The following TUSC3 variants were observed in gnomAD, a reference collection of about 807,000 sequenced individuals.
TUSC3 encodes dolichyl-diphosphooligosaccharide--protein glycosyltransferase subunit TUSC3.
A neutral mutation model predicts 44.8 loss-of-function variants in TUSC3; 45 were observed. That is an observed-to-expected ratio of 1.00 (90% CI 0.79 to 1.29). The LOEUF (loss-of-function observed/expected upper bound fraction) is 1.29. Ranked by LOEUF, TUSC3 falls within the 50% of genes most tolerant of loss-of-function variation. TUSC3 has a pLI of 0.00. For synonymous variants in TUSC3, 212 were observed against 152.9 expected, an observed-to-expected ratio of 1.39 and a Z score of -2.85; for missense variants, 519 against 437.9, an observed-to-expected ratio of 1.19 and a Z score of -1.65.
At chr8:15,838,093 G>T in the TUSC3 span, among the ~76,000 whole-genome samples, 1 of 152,118 alleles carries the variant, frequency 6.6e-6, no homozygotes, top group African/African-American at 2.4e-5. Context: ...CCCTCCAGTT[G>T]TATCAATAGA....
intron 2 of TUSC3, among the ~76,000 whole-genome samples, chr8:15,513,785 C>G (rs1478347330): frequency 1.3e-5 from 2 of 151,992 alleles, no homozygotes; most frequent in Non-Finnish European, 2.9e-5. Flanking sequence ...CGTGACAAAA[C>G]TCTCATAGGA....
At chr8:15,784,224 G>A in the TUSC3 span, among the ~76,000 whole-genome samples, 4 of 152,104 alleles carry the variant, frequency 2.6e-5, no homozygotes, top group African/African-American at 9.7e-5. Flanking sequence ...GGAGAAAAGG[G>A]AACTCTTGTA....
chr8:15,635,057 CT>C lies in TUSC3; in HGVS notation c.308+11818del, dbSNP rs34353325. 2.7e-3 allele frequency among the ~76,000 whole-genome samples: 411 copies of C among 149,958 alleles called. 2 individuals are homozygous for C. Among genetic ancestry groups the C allele is most frequent in the East Asian group, 9.4e-3 (48 of 5,118 alleles). ...CAGATTAAATCTGAATTTCCTAAGC[CT>C]TTTTTTTTTCCCCCCAAAGGTAGGC... is the stretch of plus-strand genomic sequence containing the variant. On this transcript the variant is annotated intron_variant, in intron 2 of 10. Coordinates refer to ENST00000503731, the MANE Select transcript of TUSC3 (RefSeq NM_006765.4).
chr8:15,745,725 T>G (rs1370510409), intron 8 of TUSC3, among the ~76,000 whole-genome samples: 1 of 151,942 alleles, frequency 6.6e-6, no homozygotes, highest in African/African-American at 2.4e-5. Context: ...AGCAAAAATT[T>G]TCTCCCATTC....
chr8:15,637,549 T>G (rs994047168), intron 2 of TUSC3, among the ~76,000 whole-genome samples: 2 of 152,240 alleles, frequency 1.3e-5, no homozygotes, highest in African/African-American at 4.8e-5. Context: ...TCTTCATGAT[T>G]TTGTTTTTAG....
chr8:15,619,871 TAATGGAC>T (rs1343726657), intron 1 of TUSC3, among the ~76,000 whole-genome samples: 4 of 152,136 alleles, frequency 2.6e-5, no homozygotes, highest in Non-Finnish European at 1.5e-5. Context: ...AGATCAAGGA[TAATGGAC>T]ATGAGTTTTA....
At chr8:15,629,078 A>T (rs1458244848) in intron 2 of TUSC3, among the ~76,000 whole-genome samples, 2 of 152,188 alleles carry the variant, frequency 1.3e-5, no homozygotes, top group Non-Finnish European at 2.9e-5. Flanking sequence ...TTTATTTAAT[A>T]AGTAACTTGC....
At chr8:15,446,027 G>T (rs575266844) in intron 1 of TUSC3, among the ~76,000 whole-genome samples, 1 of 150,966 alleles carries the variant, frequency 6.6e-6, no homozygotes, top group Non-Finnish European at 1.5e-5. Flanking sequence ...GCTGCCGGGC[G>T]GAGGGGCTCC....
At chr8:15,539,401 G>A (rs2129132018), upstream of TUSC3, among the ~76,000 whole-genome samples, 1 of 130,980 alleles carries the variant, frequency 7.6e-6, no homozygotes, top group Non-Finnish European at 1.5e-5. Context: ...CTCCCAGGCT[G>A]GAGTGCAGTG....
chr8:15,562,071 A>C (rs1802495079), intron 1 of TUSC3, among the ~76,000 whole-genome samples: 2 of 152,150 alleles, frequency 1.3e-5, no homozygotes, highest in Admixed American at 1.3e-4. Flanking sequence ...GCTAAGATGG[A>C]AATGGAAAAA....
At chr8:15,476,344 C>T (rs62501891) in intron 1 of TUSC3, among the ~76,000 whole-genome samples, 2 of 152,072 alleles carry the variant, frequency 1.3e-5, no homozygotes, top group African/African-American at 4.8e-5. Context: ...ATACTTTATC[C>T]TTTTTGTATA....
intron 1 of TUSC3, among the ~76,000 whole-genome samples, chr8:15,601,099 T>C (rs541299563): frequency 5.9e-4 from 89 of 151,828 alleles, no homozygotes; most frequent in African/African-American, 2.0e-3. Flanking sequence ...GGTCAGCAGA[T>C]TTGTTACAGT....
intron 1 of TUSC3, among the ~76,000 whole-genome samples, chr8:15,458,208 CTTTAG>C (rs1800287361): frequency 6.6e-6 from 1 of 152,086 alleles, no homozygotes; most frequent in Non-Finnish European, 1.5e-5. Flanking sequence ...AAGGCCCTAA[CTTTAG>C]TTTATAAAGT....
chr8:15,797,321 A>G, the TUSC3 span, among the ~76,000 whole-genome samples: 1 of 152,210 alleles, frequency 6.6e-6, no homozygotes, highest in Admixed American at 6.5e-5. Context: ...CAATTCCTAA[A>G]GAGTCCAGCA....
At chr8:15,438,457 C>G (rs926002267) in intron 1 of TUSC3, among the ~76,000 whole-genome samples, 1 of 152,108 alleles carries the variant, frequency 6.6e-6, no homozygotes, top group East Asian at 1.9e-4. Flanking sequence ...CTGGTATAGT[C>G]CTGGAACCTT....
intron 2 of TUSC3, among the ~76,000 whole-genome samples, chr8:15,498,038 C>T (rs1800907425): frequency 6.6e-6 from 1 of 152,154 alleles, no homozygotes; most frequent in East Asian, 1.9e-4. Context: ...GCACGAGCCA[C>T]TGTGCCCGGC....
intron 1 of TUSC3, among the ~76,000 whole-genome samples, chr8:15,423,786 C>A (rs1585781841): frequency 6.6e-6 from 1 of 151,892 alleles, no homozygotes; most frequent in African/African-American, 2.4e-5. Flanking sequence ...TGGAAATTGT[C>A]CTGATATCCA....
At chr8:15,632,000 C>T (rs1299259367) in intron 2 of TUSC3, among the ~76,000 whole-genome samples, 1 of 152,204 alleles carries the variant, frequency 6.6e-6, no homozygotes, top group Non-Finnish European at 1.5e-5. Flanking sequence ...AGCCACCGTA[C>T]CCGGCCAAGG....
the TUSC3 span, among the ~76,000 whole-genome samples, chr8:15,821,359 A>ATTTTT: frequency 0.013 from 1,731 of 131,140 alleles, 50 homozygotes; most frequent in East Asian, 0.065. Context: ...GTATCTAGGC[A>ATTTTT]TTTTTTTTTT....
Sources: gnomAD v4.1 joint callset for allele counts (sites outside exome capture counted in the v4.1 genomes callset) on GRCh38, gnomAD v4.1.1 for gene constraint, MANE v1.5 for transcripts, NCBI Gene and HGNC (gene_info 2026-07-23, HGNC 2026-07-21) for gene names.